The following CHODL variants were observed in gnomAD, a reference collection of about 807,000 sequenced individuals.
CHODL encodes transmembrane protein MT75.
In CHODL, 29 loss-of-function variants were observed where a neutral mutation model predicts 34.5. That is an observed-to-expected ratio of 0.84 (90% CI 0.63 to 1.15). CHODL has a LOEUF of 1.15. Among genes scored for constraint, CHODL ranks in the 50% most tolerant of loss-of-function variants. The probability of loss-of-function intolerance (pLI) is 0.00; values close to 1 mark genes in which losing one functional copy is unlikely to be tolerated. For missense variants in CHODL, 332 were observed against 332.5 expected (o/e 1.00, Z 0.01); for synonymous variants, 125 against 116.1 (o/e 1.08, Z -0.49).
Position 18,092,175 on chromosome 21 carries a change from A to G in CHODL, c.-45+64204A>G, listed in dbSNP as rs550927209. Among the ~76,000 whole-genome samples, 23 of 151,836 alleles carry G rather than the reference A, an allele frequency of 1.5e-4. 1 individual carries two copies. The South Asian group carries it at 4.4e-3, about 29-fold the overall frequency. ...GTGGCTCAGTAGATGGAGAATCTAT[A>G]TGTTTGTGAGAAAGTAAGGGGAAAA... On this transcript the variant is annotated intron_variant, in intron 2 of 6. Transcript: ENST00000400127.
chr21:17,998,659 G>A (rs2063875101), intron 1 of CHODL, among the ~76,000 whole-genome samples: 1 of 152,214 alleles, frequency 6.6e-6, no homozygotes, highest in East Asian at 1.9e-4. Context: ...CTACATGGAA[G>A]CTGCCAAGGC....
rs139646220 is a variant in CHODL at position 17,978,780 on chromosome 21, C to T, written c.-144-49092C>T. Among the ~76,000 whole-genome samples, 1,484 of 151,476 alleles carry T rather than the reference C, an allele frequency of 9.8e-3. 22 individuals carry two copies. The highest frequency in any genetic ancestry group is 0.028 in the African/African-American group (1,169 of 41,362). ...CAGAAAAAAGATGTCAACCTCTGGA[C>T]TCTTAATGGGGGGCTCTGGGAAGAT... is the stretch of plus-strand genomic sequence containing the variant. On this transcript the variant is annotated intron_variant, in intron 1 of 6. Coordinates refer to the CHODL transcript ENST00000400127.
In CHODL at chr21:18,150,799, T is replaced by C. The variant is rs556454909; in HGVS notation, c.-44-105710T>C. ...TGGGACTGGCCATAAAGAAATTCTC[T>C]GACCTGGCCGGCATGGTGGCTCACT... is the stretch of plus-strand genomic sequence containing the variant. On this transcript the variant is annotated intron_variant, in intron 2 of 6. Coordinates refer to the CHODL transcript ENST00000400127. Among the ~76,000 whole-genome samples the C allele has an allele frequency of 1.0e-3, 152 of 152,228 alleles. 1 individual carries two copies. The highest frequency in any genetic ancestry group is 6.8e-3 in the Middle Eastern group (2 of 294).
chr21:18,128,910 T>C (rs1397984993), intron 2 of CHODL, among the ~76,000 whole-genome samples: 4 of 152,192 alleles, frequency 2.6e-5, no homozygotes, highest in Admixed American at 6.5e-5. Context: ...TATATAGTTC[T>C]TTTATCTCTC....
intron 2 of CHODL, among the ~76,000 whole-genome samples, chr21:18,150,938 G>T (rs1203873011): frequency 2.0e-5 from 3 of 151,938 alleles, no homozygotes; most frequent in African/African-American, 7.3e-5. Context: ...TCAAAAATTA[G>T]CTGGGCATGA....
intron 2 of CHODL, among the ~76,000 whole-genome samples, chr21:18,235,848 T>C (rs2074023720): frequency 6.6e-6 from 1 of 152,164 alleles, no homozygotes; most frequent in Non-Finnish European, 1.5e-5. Context: ...TTAATTCTTA[T>C]AAATCCAGGG....
chr21:18,147,991 A>T (rs1006494817), intron 2 of CHODL, among the ~76,000 whole-genome samples: 1 of 152,192 alleles, frequency 6.6e-6, no homozygotes. Flanking sequence ...ATAAAAGGAA[A>T]TCCGATGGGT....
chr21:18,091,979 C>A (rs2065079699), intron 2 of CHODL, among the ~76,000 whole-genome samples: 1 of 152,078 alleles, frequency 6.6e-6, no homozygotes, highest in East Asian at 1.9e-4. Context: ...ACTTCAATCT[C>A]TGGCTCCCAG....
rs990754780 is a variant in CHODL, at chr21:17,955,010, T to C, written c.-145+37610T>C. 1.5e-5 allele frequency among the ~76,000 whole-genome samples: 2 copies of C among 134,122 alleles called. 1 individual carries two copies. The highest frequency in any genetic ancestry group is 3.4e-5 in the Non-Finnish European group (2 of 59,554). 88.0% of individuals were successfully genotyped at this position (134,122 alleles called of 152,430 possible). Reference sequence around the variant, plus strand: ...TTACTACCATCAACTGGATAGCTTATAGACAAGAGGAATTTATTTCTCACA... The same window carrying C: ...TTACTACCATCAACTGGATAGCTTACAGACAAGAGGAATTTATTTCTCACA... On this transcript the variant is annotated intron_variant, in intron 1 of 6. Transcript: ENST00000400127.
chr21:18,016,723 G>A (rs1251039651), intron 1 of CHODL, among the ~76,000 whole-genome samples: 1 of 152,206 alleles, frequency 6.6e-6, no homozygotes, highest in Non-Finnish European at 1.5e-5. Context: ...CTTGCACTGT[G>A]CACTTCAAAA....
At chr21:18,191,284 A>G (rs879550828) in intron 2 of CHODL, among the ~76,000 whole-genome samples, 11 of 152,134 alleles carry the variant, frequency 7.2e-5, no homozygotes, top group Middle Eastern at 3.2e-3. Flanking sequence ...AGGTCTGAAA[A>G]GTAAGTGTAG....
At chr21:18,013,634 G>GTTTTTTTTTTTTTTTTTT (rs1568844372) in intron 1 of CHODL, among the ~76,000 whole-genome samples, 2 of 36,262 alleles carry the variant, frequency 5.5e-5, no homozygotes, top group African/African-American at 1.8e-4. Flanking sequence ...TGCTGCTGCT[G>GTTTTTTTTTTTTTTTTTT]CTTTTTTTTT....
chr21:18,215,776 G>T (rs368644100), intron 2 of CHODL, among the ~76,000 whole-genome samples: 2 of 152,054 alleles, frequency 1.3e-5, no homozygotes, highest in Non-Finnish European at 2.9e-5. Flanking sequence ...ATGAAACACT[G>T]GTTAATCCTG....
chr21:18,093,340 G>A (rs2065097283), intron 2 of CHODL, among the ~76,000 whole-genome samples: 1 of 152,212 alleles, frequency 6.6e-6, no homozygotes, highest in South Asian at 2.1e-4. Context: ...AATCTAAAGG[G>A]AGTTCTTTAA....
At chr21:17,978,896 G>A (rs919359030) in intron 1 of CHODL, among the ~76,000 whole-genome samples, 2 of 152,016 alleles carry the variant, frequency 1.3e-5, no homozygotes, top group African/African-American at 4.8e-5. Flanking sequence ...GGCTGTCAGC[G>A]AAGGCCTGCC....
At chr21:18,196,776 A>T (rs895874502) in intron 2 of CHODL, among the ~76,000 whole-genome samples, 2 of 152,196 alleles carry the variant, frequency 1.3e-5, no homozygotes, top group African/African-American at 4.8e-5. Flanking sequence ...AATCTAAAAA[A>T]GTCAAAGTTA....
At chr21:18,111,890 A>C (rs2065355570) in intron 2 of CHODL, among the ~76,000 whole-genome samples, 1 of 152,174 alleles carries the variant, frequency 6.6e-6, no homozygotes, top group Non-Finnish European at 1.5e-5. Flanking sequence ...CTCAGGTGGA[A>C]ATTCATGTTT....
At chr21:18,016,436 G>A (rs558720667) in intron 1 of CHODL, among the ~76,000 whole-genome samples, 1 of 152,224 alleles carries the variant, frequency 6.6e-6, no homozygotes, top group South Asian at 2.1e-4. Flanking sequence ...GAGGATATAT[G>A]AAAATGCCTT....
intron 2 of CHODL, among the ~76,000 whole-genome samples, chr21:18,205,835 C>G (rs2073706061): frequency 6.6e-6 from 1 of 150,912 alleles, no homozygotes; most frequent in Non-Finnish European, 1.5e-5. Context: ...CTCCCACGTT[C>G]AAGTGATTCT....
Sources: allele counts gnomAD v4.1 joint callset (sites outside exome capture counted in the v4.1 genomes callset), GRCh38; gene constraint gnomAD v4.1.1; transcripts MANE v1.5; gene names NCBI Gene and HGNC (gene_info 2026-07-23, HGNC 2026-07-21).